Variants in SMIM13 observed in about 807,000 individuals in gnomAD.
The protein encoded by SMIM13 is small integral membrane protein 13, also known as UPF0766 protein C6orf228.
Under a neutral mutation model 5.9 loss-of-function variants are expected in SMIM13, and 3 were observed. The ratio of observed to expected loss-of-function variants is 0.51; its 90% CI spans 0.23 to 1.31. The LOEUF (loss-of-function observed/expected upper bound fraction) is 1.31. SMIM13 is among the 40% of genes most tolerant of loss of function. The probability of loss-of-function intolerance (pLI) is 0.18; values close to 1 mark genes in which losing one functional copy is unlikely to be tolerated. For synonymous variants in SMIM13, 55 were observed against 46.0 expected (o/e 1.19, Z -0.79); for missense variants, 85 against 109.9 (o/e 0.77, Z 1.01).
chr6:11,123,465 CT>C (rs1561758765), intron 1 of SMIM13, among the ~76,000 whole-genome samples: 1 of 152,036 alleles, frequency 6.6e-6, no homozygotes, highest in Non-Finnish European at 1.5e-5. Flanking sequence ...ATGTGTGTGA[CT>C]TTCTATTTCG....
In SMIM13 at chr6:11,094,242, G is replaced by A; in HGVS notation, c.-72G>A. ...GCCTGGCGCCCGCCGCTGAAGCGCA[G>A]GACGCGCCGCCGCCCGCGCTCACCG... is the stretch of plus-strand genomic sequence containing the variant. On this transcript the variant is annotated 5_prime_UTR_variant, in exon 1 of 2. Transcript: ENST00000416247. The A allele has an allele frequency of 4.3e-6, 4 of 928,842 alleles. No homozygotes were observed. The highest frequency in any genetic ancestry group is 5.5e-6 in the Non-Finnish European group (4 of 724,024). The allele number at this position is 928,842 out of a possible 1,614,324, so 57.5% of individuals were successfully genotyped here. A position where few individuals can be genotyped will look rare whatever the true frequency, so the allele number is the denominator to read the frequency against.
intron 1 of SMIM13, among the ~76,000 whole-genome samples, chr6:11,094,608 C>T (rs1390876903): frequency 1.3e-5 from 2 of 152,202 alleles, no homozygotes. Flanking sequence ...AGGACAGGCT[C>T]CAGGGCTTCC....
intron 1 of SMIM13, among the ~76,000 whole-genome samples, chr6:11,109,325 G>A (rs531314517): frequency 1.4e-4 from 21 of 152,262 alleles, no homozygotes; most frequent in African/African-American, 4.8e-4. Flanking sequence ...ATGGAGTCTG[G>A]ACTCCAGTGG....
chr6:11,095,719 TTTC>T (rs1466954300), intron 1 of SMIM13, among the ~76,000 whole-genome samples: 5 of 152,374 alleles, frequency 3.3e-5, no homozygotes, highest in African/African-American at 1.2e-4. Flanking sequence ...ATTTACAGCC[TTTC>T]TTTTCTGATG....
Position 11,109,580 on chromosome 6 carries a change from G to A in SMIM13, c.76+15191G>A, listed in dbSNP as rs75862140. On this transcript the variant is annotated intron_variant, in intron 1 of 1. Coordinates refer to ENST00000416247, the MANE Select transcript of SMIM13 (RefSeq NM_001135575.2). Reference sequence around the variant, plus strand: ...AACAAAGGTCAGGGTTGTTTCTTAGGGCCATGAAGGCCAGCACATAGGGGA... The same window carrying A: ...AACAAAGGTCAGGGTTGTTTCTTAGAGCCATGAAGGCCAGCACATAGGGGA... Among the ~76,000 whole-genome samples, 895 of 152,240 alleles carry A rather than the reference G, an allele frequency of 5.9e-3. 3 individuals are homozygous for A. The highest frequency in any genetic ancestry group is 0.024 in the South Asian group (116 of 4,820).
chr6:11,117,464 C>G (rs1758257156), intron 1 of SMIM13, among the ~76,000 whole-genome samples: 1 of 151,820 alleles, frequency 6.6e-6, no homozygotes, highest in Non-Finnish European at 1.5e-5. Context: ...CGTGAGCCAC[C>G]ATGCCTGGCC....
In SMIM13 at chr6:11,134,595, T is replaced by A; in HGVS notation, c.269T>A (p.Leu90Gln). The A allele has an allele frequency of 6.5e-7, 1 of 1,546,284 alleles. No individual in the cohort carries two copies. Among genetic ancestry groups the A allele is most frequent in the East Asian group, 2.4e-5 (1 of 40,874 alleles). ...RAPADEGHRP[L>Q]T The stretch of plus-strand genomic sequence containing the variant: ...CCTGCTGATGAAGGCCACAGACCCC[T>A]GACATAGTCCTGTACTTGTGAAGGA... The change falls in exon 2 of 2, where the codon CTG becomes CAG. Residue 90 changes from leucine to glutamine, a missense_variant. Physicochemically the swap from Leu to Gln is moderately radical, Grantham distance 113 (BLOSUM62 -2). Coordinates refer to ENST00000416247, the MANE Select transcript of SMIM13 (RefSeq NM_001135575.2).
At chr6:11,126,339 C>T (rs1419892132) in intron 1 of SMIM13, among the ~76,000 whole-genome samples, 2 of 152,186 alleles carry the variant, frequency 1.3e-5, no homozygotes, top group South Asian at 4.1e-4. Context: ...TGAGCCATGG[C>T]GCCCAGCCCT....
intron 1 of SMIM13, among the ~76,000 whole-genome samples, chr6:11,096,753 G>A (rs111238689): frequency 0.21 from 31,806 of 151,768 alleles, 3,671 homozygotes; most frequent in African/African-American, 0.3. Context: ...AGGCTGGAGT[G>A]CAATGGCGTG....
At chr6:11,109,382 G>C (rs1758136587) in intron 1 of SMIM13, among the ~76,000 whole-genome samples, 1 of 152,212 alleles carries the variant, frequency 6.6e-6, no homozygotes. Context: ...AACTTAAGGA[G>C]GTGGTGTCCA....
chr6:11,113,797 G>A (rs1009719087), intron 1 of SMIM13, among the ~76,000 whole-genome samples: 18 of 151,206 alleles, frequency 1.2e-4, no homozygotes, highest in Non-Finnish European at 3.0e-5. Context: ...GGCTGGTTTC[G>A]AACTCCTGAT....
intron 1 of SMIM13, among the ~76,000 whole-genome samples, chr6:11,107,328 C>T (rs919996806): frequency 2.0e-5 from 3 of 152,220 alleles, no homozygotes; most frequent in Admixed American, 6.5e-5. Flanking sequence ...TGTTTTCAGA[C>T]ACGTTGTATT....
chr6:11,133,776 T>C (rs1201920815), intron 1 of SMIM13, among the ~76,000 whole-genome samples: 1 of 152,040 alleles, frequency 6.6e-6, no homozygotes, highest in African/African-American at 2.4e-5. Flanking sequence ...AGTCATACTT[T>C]TTAATGACAT....
chr6:11,129,661 C>T (rs1404066502), intron 1 of SMIM13, among the ~76,000 whole-genome samples: 1 of 151,972 alleles, frequency 6.6e-6, no homozygotes, highest in Non-Finnish European at 1.5e-5. Flanking sequence ...TTTCTGGATT[C>T]CCTATTGTGT....
chr6:11,137,591 T>C lies in SMIM13; in HGVS notation c.*2989T>C, dbSNP rs796456064. ...ATGATGGTGATCAGCATGCCATCTT[T>C]TGAAGATTAATTCTAAAATTGAGGA... On this transcript the variant is annotated 3_prime_UTR_variant, in exon 2 of 2. Coordinates refer to ENST00000416247, the MANE Select transcript of SMIM13 (RefSeq NM_001135575.2). The C allele has an allele frequency of 1.0e-3, 156 of 152,320 alleles. 2 individuals are homozygous for C. Among genetic ancestry groups the C allele is most frequent in the African/African-American group, 3.5e-3 (144 of 41,580 alleles). 9.4% of individuals were successfully genotyped at this position (152,320 alleles called of 1,614,324 possible).
At chr6:11,096,938 G>A (rs1458495619) in intron 1 of SMIM13, among the ~76,000 whole-genome samples, 3 of 152,046 alleles carry the variant, frequency 2.0e-5, no homozygotes, top group East Asian at 1.9e-4. Flanking sequence ...TGATCCACCC[G>A]CCTCGGCTTC....
intron 1 of SMIM13, among the ~76,000 whole-genome samples, chr6:11,126,449 A>T (rs991395230): frequency 2.6e-5 from 4 of 152,204 alleles, no homozygotes; most frequent in African/African-American, 9.6e-5. Context: ...TCAGTATGTC[A>T]GTTGAAAGTT....
chr6:11,104,330 G>A, intron 1 of SMIM13: 2 of 1,551,738 alleles, frequency 1.3e-6, no homozygotes. Flanking sequence ...CAGGGGCTAT[G>A]AAGATGTCTG....
At chr6:11,097,901 T>TA (rs992290396) in intron 1 of SMIM13, among the ~76,000 whole-genome samples, 10 of 151,996 alleles carry the variant, frequency 6.6e-5, no homozygotes, top group East Asian at 3.9e-4. Context: ...TCTTTTTTTT[T>TA]AAAAAAGAAA....
Sources: allele counts gnomAD v4.1 joint callset (sites outside exome capture counted in the v4.1 genomes callset), GRCh38; gene constraint gnomAD v4.1.1; transcripts MANE v1.5; gene names NCBI Gene and HGNC (gene_info 2026-07-23, HGNC 2026-07-21).